The following KCNMB2 variants were observed in gnomAD, a reference collection of about 807,000 sequenced individuals.
KCNMB2 encodes potassium calcium-activated channel subfamily M regulatory beta subunit 2, also known as calcium-activated potassium channel subunit beta-2.
In KCNMB2, 9 loss-of-function variants were observed where a neutral mutation model predicts 24.5. The ratio of observed to expected loss-of-function variants is 0.37; its 90% CI spans 0.22 to 0.64. The LOEUF is 0.64. KCNMB2 is among the 30% of genes least tolerant of loss of function. The pLI is 0.63. For synonymous variants in KCNMB2, 109 were observed against 104.4 expected (o/e 1.04, Z -0.27); for missense variants, 226 against 284.3 (o/e 0.79, Z 1.47).
intron 1 of KCNMB2, among the ~76,000 whole-genome samples, chr3:178,539,006 A>T (rs1191804449): frequency 6.6e-6 from 1 of 152,262 alleles, no homozygotes; most frequent in Non-Finnish European, 1.5e-5. Flanking sequence ...ATAAAAAATA[A>T]GCACAGCTTT....
chr3:178,771,754 C>A (rs1424532736), intron 1 of KCNMB2, among the ~76,000 whole-genome samples: 1 of 152,126 alleles, frequency 6.6e-6, no homozygotes, highest in Non-Finnish European at 1.5e-5. Context: ...TCTACATTTG[C>A]CATTCGCCTG....
In KCNMB2 at chr3:178,843,882, G is replaced by A. The variant is rs571631652; in HGVS notation, c.*945G>A. ...GGAATATTGCTCTTTGTGAATTTGT[G>A]CTTAAGTCAATGAATGTGTAGTATC... is the stretch of plus-strand genomic sequence containing the variant. On this transcript the variant is annotated 3_prime_UTR_variant, in exon 5 of 5. Transcript: ENST00000452583. The A allele has an allele frequency of 6.6e-6, 1 of 152,268 alleles. No individual in the cohort carries two copies. Among genetic ancestry groups the A allele is most frequent in the East Asian group, 1.9e-4 (1 of 5,186 alleles). 9.4% of individuals were successfully genotyped at this position (152,268 alleles called of 1,614,324 possible). A position where few individuals can be genotyped will look rare whatever the true frequency, so the allele number is the denominator to read the frequency against.
intron 1 of KCNMB2, among the ~76,000 whole-genome samples, chr3:178,588,487 C>T (rs187170535): frequency 2.2e-4 from 34 of 152,244 alleles, no homozygotes; most frequent in Admixed American, 2.2e-3. Context: ...TATTCCTCTA[C>T]AGAAGCAAGT....
chr3:178,547,055 G>A (rs933869774), intron 1 of KCNMB2, among the ~76,000 whole-genome samples: 1 of 152,234 alleles, frequency 6.6e-6, no homozygotes, highest in Admixed American at 6.5e-5. Flanking sequence ...CTTTAGGTGA[G>A]CAGGTCATGA....
At chr3:178,651,069 C>T (rs770414690) in intron 1 of KCNMB2, among the ~76,000 whole-genome samples, 4 of 152,020 alleles carry the variant, frequency 2.6e-5, no homozygotes, top group Admixed American at 2.6e-4. Flanking sequence ...GGCAATCAGG[C>T]AAGAGAAAGA....
At chr3:178,814,011 C>T (rs1005389499) in intron 2 of KCNMB2, among the ~76,000 whole-genome samples, 2 of 151,742 alleles carry the variant, frequency 1.3e-5, no homozygotes, top group African/African-American at 2.4e-5. Context: ...TTTTTCTAAT[C>T]GTAGACTCAG....
rs1209335710 is a variant in KCNMB2 at position 178,843,869 on chromosome 3, T to C, written c.*932T>C. On this transcript the variant is annotated 3_prime_UTR_variant, in exon 5 of 5. Coordinates refer to ENST00000452583, the MANE Select transcript of KCNMB2 (RefSeq NM_181361.3). ...AAATTAATGTGTTGGAATATTGCTCTTTGTGAATTTGTGCTTAAGTCAATG... is the reference window on the plus strand; with the variant it reads ...AAATTAATGTGTTGGAATATTGCTCCTTGTGAATTTGTGCTTAAGTCAATG... 8 of 152,216 alleles carry C rather than the reference T, an allele frequency of 5.3e-5. No individual in the cohort carries two copies. The allele number at this position is 152,216 out of a possible 1,614,324, so 9.4% of individuals were successfully genotyped here. A position where few individuals can be genotyped will look rare whatever the true frequency, so the allele number is the denominator to read the frequency against.
At chr3:178,545,739 A>G (rs1244575389) in intron 1 of KCNMB2, among the ~76,000 whole-genome samples, 1 of 151,576 alleles carries the variant, frequency 6.6e-6, no homozygotes, top group Non-Finnish European at 1.5e-5. Flanking sequence ...TTCTGTAGAA[A>G]TTCTGGAACT....
chr3:178,801,982 A>T (rs1157819106), intron 1 of KCNMB2: 1 of 152,202 alleles, frequency 6.6e-6, no homozygotes, highest in Admixed American at 6.5e-5. Flanking sequence ...TGAATGAACT[A>T]AAACAAAGTA....
At chr3:178,768,279 C>T (rs1040853850) in intron 1 of KCNMB2, among the ~76,000 whole-genome samples, 15 of 152,092 alleles carry the variant, frequency 9.9e-5, no homozygotes, top group Admixed American at 3.3e-4. Flanking sequence ...TTCTGCCTGA[C>T]GCTACTTCCT....
intron 1 of KCNMB2, among the ~76,000 whole-genome samples, chr3:178,754,177 T>TATATATATATATATATAC (rs1435109631): frequency 6.0e-5 from 7 of 117,222 alleles, no homozygotes; most frequent in African/African-American, 2.2e-4. Flanking sequence ...TATATATATA[T>TATATATATATATATATAC]ACACACACAC....
At chr3:178,737,009 C>T (rs928624797) in intron 1 of KCNMB2, among the ~76,000 whole-genome samples, 40 of 152,340 alleles carry the variant, frequency 2.6e-4, no homozygotes, top group African/African-American at 9.1e-4. Context: ...GCGGCTCATG[C>T]CTGTAATCCC....
At chr3:178,656,882 G>A (rs1413825799) in intron 1 of KCNMB2, among the ~76,000 whole-genome samples, 1 of 152,092 alleles carries the variant, frequency 6.6e-6, no homozygotes, top group African/African-American at 2.4e-5. Flanking sequence ...GTGTTTGTTG[G>A]GGCGGGGTAG....
intron 1 of KCNMB2, among the ~76,000 whole-genome samples, chr3:178,561,964 T>C (rs1490087279): frequency 6.6e-6 from 1 of 152,238 alleles, no homozygotes; most frequent in African/African-American, 2.4e-5. Flanking sequence ...TAAAATTCAG[T>C]TATCCACTTT....
intron 1 of KCNMB2, among the ~76,000 whole-genome samples, chr3:178,783,154 T>A (rs550280456): frequency 0.028 from 4,221 of 152,206 alleles, 208 homozygotes; most frequent in African/African-American, 0.096. Context: ...GATCTATATC[T>A]CTGTTTTGGT....
chr3:178,602,558 T>TGGGAGGTTCGGGGGTGGGG (rs1718120516), intron 1 of KCNMB2, among the ~76,000 whole-genome samples: 1 of 139,902 alleles, frequency 7.1e-6, no homozygotes, highest in Admixed American at 7.2e-5. Context: ...CTCTGGGTAC[T>TGGGAGGTTCGGGGGTGGGG]GGGAGGTTCG....
intron 1 of KCNMB2, among the ~76,000 whole-genome samples, chr3:178,756,053 C>A (rs150287028): frequency 1.3e-5 from 2 of 151,946 alleles, no homozygotes; most frequent in South Asian, 2.1e-4. Context: ...ATAAATGTCA[C>A]GCAGCCATTA....
chr3:178,614,297 G>GTATGTGTATATATATATATA (rs1718621135), intron 1 of KCNMB2, among the ~76,000 whole-genome samples: 1 of 54,594 alleles, frequency 1.8e-5, no homozygotes, highest in African/African-American at 6.9e-5. Flanking sequence ...ATATATATAT[G>GTATGTGTATATATATATATA]TATGTATATA....
rs563588763 is a variant in KCNMB2, at chr3:178,580,086, A to G, written c.-68+43375A>G. ...AACAAAAAAAGAAAATTTCAGGCCA[A>G]TATCAGGCCTGATGAACATTGATGT... On this transcript the variant is annotated intron_variant, in intron 1 of 4. Transcript: ENST00000452583. 2.3e-3 allele frequency among the ~76,000 whole-genome samples: 345 copies of G among 152,350 alleles called. 2 individuals carry two copies. Among genetic ancestry groups the G allele is most frequent in the African/African-American group, 8.0e-3 (334 of 41,588 alleles).
Sources: gnomAD v4.1 joint callset for allele counts (sites outside exome capture counted in the v4.1 genomes callset) on GRCh38, gnomAD v4.1.1 for gene constraint, MANE v1.5 for transcripts, NCBI Gene and HGNC (gene_info 2026-07-23, HGNC 2026-07-21) for gene names.